The following ADCY2 variants were observed in gnomAD, a reference collection of about 807,000 sequenced individuals.
ADCY2 encodes adenylate cyclase type 2.
A neutral mutation model predicts 125.2 loss-of-function variants in ADCY2; 31 were observed. The ratio of observed to expected loss-of-function variants is 0.25; its 90% confidence interval spans 0.19 to 0.33. The LOEUF is 0.33. Ranked by LOEUF, ADCY2 falls within the 10% of genes least tolerant of loss-of-function variation. The pLI is 1.00. For synonymous variants in ADCY2, 512 were observed against 548.4 expected, an observed-to-expected ratio of 0.93 and a Z score of 0.93; for missense variants, 904 against 1,418.2, an observed-to-expected ratio of 0.64 and a Z score of 5.82.
At chr5:7,638,903 G>T (rs1738597702) in intron 4 of ADCY2, among the ~76,000 whole-genome samples, 2 of 152,146 alleles carry the variant, frequency 1.3e-5, no homozygotes, top group Non-Finnish European at 2.9e-5. Flanking sequence ...TGAATCATGG[G>T]GGTGGGTCTT....
At chr5:7,515,816 G>A (rs562940041) in intron 2 of ADCY2, among the ~76,000 whole-genome samples, 1 of 152,264 alleles carries the variant, frequency 6.6e-6, no homozygotes, top group East Asian at 1.9e-4. Flanking sequence ...CAAGTTCCTG[G>A]TTTTGTCACT....
chr5:7,537,649 C>T (rs1470137336), intron 3 of ADCY2, among the ~76,000 whole-genome samples: 1 of 152,228 alleles, frequency 6.6e-6, no homozygotes, highest in Non-Finnish European at 1.5e-5. Flanking sequence ...CAGCCTCATC[C>T]TTTGCTTTCC....
intron 4 of ADCY2, among the ~76,000 whole-genome samples, chr5:7,662,661 T>C (rs1312938709): frequency 6.6e-6 from 1 of 152,234 alleles, no homozygotes; most frequent in African/African-American, 2.4e-5. Flanking sequence ...AGAATACTTA[T>C]TCTCTTACCC....
At chr5:7,608,689 G>A (rs1579231703) in intron 3 of ADCY2, among the ~76,000 whole-genome samples, 1 of 152,206 alleles carries the variant, frequency 6.6e-6, no homozygotes, top group Non-Finnish European at 1.5e-5. Flanking sequence ...GGCCCCTCAT[G>A]AAAATCTAAT....
intron 7 of ADCY2, among the ~76,000 whole-genome samples, chr5:7,702,762 G>C (rs375364077): frequency 2.0e-5 from 3 of 152,164 alleles, no homozygotes; most frequent in Admixed American, 6.5e-5. Flanking sequence ...ATGGCTGGGT[G>C]AAATGGTATT....
Position 7,540,186 on chromosome 5 carries a change from G to T in ADCY2, c.570+19287G>T, listed in dbSNP as rs1404154111. ...ACACACTGGGGCCTCTCAGAGGGTGGAGGTTGAGAGGAAGGAGAGGATCAG... is the reference window on the plus strand; with the variant it reads ...ACACACTGGGGCCTCTCAGAGGGTGTAGGTTGAGAGGAAGGAGAGGATCAG... On this transcript the variant is annotated intron_variant, in intron 3 of 24. Transcript: ENST00000338316. 2.6e-5 allele frequency among the ~76,000 whole-genome samples: 4 copies of T among 152,088 alleles called. No homozygotes were observed. The East Asian group carries it at 7.7e-4, about 29-fold the overall frequency.
chr5:7,632,129 A>G (rs766566084), intron 4 of ADCY2, among the ~76,000 whole-genome samples: 5 of 152,184 alleles, frequency 3.3e-5, no homozygotes, highest in African/African-American at 9.7e-5. Flanking sequence ...ACATTTTAAT[A>G]TAAATGTCAC....
chr5:7,675,145 G>A (rs1351370234), intron 4 of ADCY2, among the ~76,000 whole-genome samples: 1 of 147,200 alleles, frequency 6.8e-6, no homozygotes, highest in Admixed American at 6.9e-5. Context: ...GTGAAAGAGT[G>A]ATACTCTGTC....
At chr5:7,469,377 TTAA>T (rs1485774690) in intron 2 of ADCY2, among the ~76,000 whole-genome samples, 1 of 152,018 alleles carries the variant, frequency 6.6e-6, no homozygotes, top group Non-Finnish European at 1.5e-5. Flanking sequence ...GATGATAATC[TTAA>T]TAATATTCTT....
chr5:7,649,556 G>A (rs1025990740), intron 4 of ADCY2, among the ~76,000 whole-genome samples: 1 of 152,228 alleles, frequency 6.6e-6, no homozygotes, highest in Admixed American at 6.5e-5. Flanking sequence ...CAGAGGGAGA[G>A]GACTTGGCAG....
intron 3 of ADCY2, among the ~76,000 whole-genome samples, chr5:7,523,730 T>C (rs1450701938): frequency 2.0e-5 from 3 of 152,222 alleles, no homozygotes; most frequent in Admixed American, 2.0e-4. Flanking sequence ...TTTTTATGCA[T>C]GGTGTATATA....
At chr5:7,602,069 A>G (rs754047735) in intron 3 of ADCY2, among the ~76,000 whole-genome samples, 5 of 152,168 alleles carry the variant, frequency 3.3e-5, no homozygotes, top group South Asian at 2.1e-4. Flanking sequence ...GGCCTTCTGC[A>G]CTGTGTTTTC....
intron 2 of ADCY2, among the ~76,000 whole-genome samples, chr5:7,459,314 C>T (rs558304373): frequency 3.9e-5 from 6 of 152,286 alleles, no homozygotes; most frequent in Admixed American, 6.5e-5. Flanking sequence ...GCAGAGTGAA[C>T]ACTTGCCTAA....
intron 3 of ADCY2, among the ~76,000 whole-genome samples, chr5:7,531,199 A>G (rs1457079218): frequency 6.6e-6 from 1 of 152,176 alleles, no homozygotes; most frequent in Non-Finnish European, 1.5e-5. Context: ...TGGTTATCTT[A>G]GATTATCATG....
chr5:7,781,823 A>G (rs956377450), intron 18 of ADCY2, among the ~76,000 whole-genome samples: 2 of 152,058 alleles, frequency 1.3e-5, no homozygotes, highest in Admixed American at 1.3e-4. Flanking sequence ...CCTCCTTCTC[A>G]CCACCTTTCT....
chr5:7,681,559 T>C (rs1740338261), intron 4 of ADCY2, among the ~76,000 whole-genome samples: 1 of 152,202 alleles, frequency 6.6e-6, no homozygotes, highest in South Asian at 2.1e-4. Flanking sequence ...GCAGTGCAGT[T>C]TTTTCCGGAA....
chr5:7,550,371 A>G (rs75478636), intron 3 of ADCY2, among the ~76,000 whole-genome samples: 2,892 of 152,302 alleles, frequency 0.019, 93 homozygotes, highest in African/African-American at 0.066. Context: ...TTAAAGAAGA[A>G]GTATGAGTCT....
At position 7,804,988 on chromosome 5, in the gene ADCY2, C is replaced by T. The variant is rs1744711964; in HGVS notation, c.2883+296C>T. On this transcript the variant is annotated intron_variant, in intron 22 of 24. Transcript: ENST00000338316. ...GAAAGCTAGTTATTTGAAGGAGACTCAGTAAGAATGGATCCAGGTCTTTTG... is the reference window on the plus strand; with the variant it reads ...GAAAGCTAGTTATTTGAAGGAGACTTAGTAAGAATGGATCCAGGTCTTTTG... Among the ~76,000 whole-genome samples the T allele has an allele frequency of 2.0e-5, 3 of 152,192 alleles. No individual in the cohort carries two copies. The South Asian group carries it at 6.2e-4, about 32-fold the overall frequency.
intron 7 of ADCY2, among the ~76,000 whole-genome samples, chr5:7,705,862 A>G (rs1741251009): frequency 6.6e-6 from 1 of 152,238 alleles, no homozygotes; most frequent in African/African-American, 2.4e-5. Context: ...TTAGCATGCT[A>G]AAATGGTATC....
Sources: gnomAD v4.1 joint callset for allele counts (sites outside exome capture counted in the v4.1 genomes callset) on GRCh38, gnomAD v4.1.1 for gene constraint, MANE v1.5 for transcripts, NCBI Gene and HGNC (gene_info 2026-07-23, HGNC 2026-07-21) for gene names.